GRIN2B: variants seen among roughly 807,000 people sequenced by gnomAD.
GRIN2B encodes glutamate receptor ionotropic, NMDA 2B.
A neutral mutation model predicts 114.5 loss-of-function variants in GRIN2B; 5 were observed. The ratio of observed to expected loss-of-function variants is 0.04; its 90% CI spans 0.02 to 0.09. The LOEUF (loss-of-function observed/expected upper bound fraction) is 0.09, where lower values mean the gene tolerates loss of function less well. Ranked by LOEUF, GRIN2B falls within the 10% of genes least tolerant of loss-of-function variation. The probability of loss-of-function intolerance (pLI) is 1.00; values close to 1 mark genes in which losing one functional copy is unlikely to be tolerated. For missense variants in GRIN2B, 1,108 were observed against 1,943.5 expected, an observed-to-expected ratio of 0.57 and a Z score of 8.08; for synonymous variants, 787 against 745.1, an observed-to-expected ratio of 1.06 and a Z score of -0.92.
At chr12:13,709,254 T>C (rs1247462461) in intron 4 of GRIN2B, among the ~76,000 whole-genome samples, 1 of 151,936 alleles carries the variant, frequency 6.6e-6, no homozygotes, top group Non-Finnish European at 1.5e-5. Context: ...ATATTTAAAA[T>C]ATCCAAAATA....
chr12:13,594,530 G>C (rs1197419956), intron 10 of GRIN2B, among the ~76,000 whole-genome samples: 1 of 151,934 alleles, frequency 6.6e-6, no homozygotes, highest in Admixed American at 6.6e-5. Flanking sequence ...GTAAGGGGGT[G>C]GGGGGCTAGG....
intron 2 of GRIN2B, among the ~76,000 whole-genome samples, chr12:13,878,935 G>A (rs1866030565): frequency 6.6e-6 from 1 of 152,146 alleles, no homozygotes; most frequent in South Asian, 2.1e-4. Context: ...TTTCACTCAG[G>A]GAAAATGTGG....
At chr12:13,768,922 T>C (rs1863853038) in intron 3 of GRIN2B, among the ~76,000 whole-genome samples, 1 of 152,040 alleles carries the variant, frequency 6.6e-6, no homozygotes, top group African/African-American at 2.4e-5. Context: ...TAGCCCCAGC[T>C]ACTCAGGAGA....
At chr12:13,944,981 T>C (rs529615952) in intron 2 of GRIN2B, among the ~76,000 whole-genome samples, 8 of 152,222 alleles carry the variant, frequency 5.3e-5, no homozygotes, top group African/African-American at 1.9e-4. Context: ...TTAATTTGTA[T>C]GATTCCAGTA....
At chr12:13,741,126 G>T (rs1863277275) in intron 4 of GRIN2B, among the ~76,000 whole-genome samples, 1 of 152,190 alleles carries the variant, frequency 6.6e-6, no homozygotes, top group South Asian at 2.1e-4. Context: ...CACCTCCCGG[G>T]TTCAAGCAAT....
intron 4 of GRIN2B, among the ~76,000 whole-genome samples, chr12:13,751,854 A>T (rs1863489211): frequency 6.6e-6 from 1 of 152,176 alleles, no homozygotes; most frequent in East Asian, 1.9e-4. Context: ...AACCCCAAGA[A>T]GTGCCCATAT....
At chr12:13,955,392 G>T (rs192964424) in intron 2 of GRIN2B, among the ~76,000 whole-genome samples, 3 of 152,158 alleles carry the variant, frequency 2.0e-5, no homozygotes, top group African/African-American at 7.2e-5. Flanking sequence ...CAAAGATGCT[G>T]AAAGATTAAC....
intron 10 of GRIN2B, among the ~76,000 whole-genome samples, chr12:13,584,930 C>T (rs1350164644): frequency 6.6e-6 from 1 of 152,182 alleles, no homozygotes; most frequent in African/African-American, 2.4e-5. Context: ...TGCACTCTAC[C>T]TCACAGACCA....
chr12:13,600,336 T>C (rs1328918040), intron 10 of GRIN2B, among the ~76,000 whole-genome samples: 2 of 152,206 alleles, frequency 1.3e-5, no homozygotes, highest in African/African-American at 4.8e-5. Flanking sequence ...GCCAAATTCT[T>C]TACCCAGGTA....
At chr12:13,748,105 C>G (rs75962008) in intron 4 of GRIN2B, among the ~76,000 whole-genome samples, 4 of 152,224 alleles carry the variant, frequency 2.6e-5, no homozygotes, top group East Asian at 3.9e-4. Flanking sequence ...GACGATCCAG[C>G]CTTTTAAGAT....
intron 2 of GRIN2B, among the ~76,000 whole-genome samples, chr12:13,934,449 T>A (rs1431865288): frequency 6.6e-6 from 1 of 152,220 alleles, no homozygotes; most frequent in Non-Finnish European, 1.5e-5. Context: ...CACTTTAGAA[T>A]TAATGAAACC....
At chr12:13,891,967 G>A (rs946433772) in intron 2 of GRIN2B, among the ~76,000 whole-genome samples, 15 of 152,266 alleles carry the variant, frequency 9.9e-5, no homozygotes, top group Non-Finnish European at 1.6e-4. Context: ...TAATAAAAAT[G>A]ATGGCAATAA....
chr12:13,576,597 A>G (rs1452982836), intron 10 of GRIN2B, among the ~76,000 whole-genome samples: 1 of 149,996 alleles, frequency 6.7e-6, no homozygotes, highest in Non-Finnish European at 1.5e-5. Flanking sequence ...CCCAGGCTGG[A>G]GTGCAGTGTT....
At position 13,567,695 on chromosome 12, in the gene GRIN2B, A is replaced by G. The variant is rs150814221; in HGVS notation, c.2360-432T>C. 2.5e-3 allele frequency among the ~76,000 whole-genome samples: 384 copies of G among 152,218 alleles called. 2 individuals are homozygous for G. Among genetic ancestry groups the G allele is most frequent in the African/African-American group, 9.0e-3 (372 of 41,544 alleles). The stretch of plus-strand genomic sequence containing the variant: ...TGGAAGTGGGCATGCTGGATGGATG[A>G]ATTTTAATTTACATTGTACAAAAAG... On this transcript the variant is annotated intron_variant, in intron 12 of 13. Transcript: ENST00000609686.
At chr12:13,927,963 T>C (rs1415757093) in intron 2 of GRIN2B, among the ~76,000 whole-genome samples, 1 of 844 alleles carries the variant, frequency 1.2e-3, no homozygotes, top group Non-Finnish European at 8.5e-3. Context: ...CAAGACCCTG[T>C]CTCAAAAAAA....
At chr12:13,953,712 C>A (rs1475793998) in intron 2 of GRIN2B, among the ~76,000 whole-genome samples, 1 of 152,168 alleles carries the variant, frequency 6.6e-6, no homozygotes, top group Non-Finnish European at 1.5e-5. Flanking sequence ...CAGGCAGCCA[C>A]CACTTGTTCC....
At chr12:13,584,577 A>C (rs1024615401) in intron 10 of GRIN2B, among the ~76,000 whole-genome samples, 4 of 152,234 alleles carry the variant, frequency 2.6e-5, no homozygotes, top group African/African-American at 9.6e-5. Context: ...CAAGCCTAGC[A>C]TCTCTGGTGA....
chr12:13,744,412 T>C (rs1427947608), intron 4 of GRIN2B, among the ~76,000 whole-genome samples: 2 of 152,152 alleles, frequency 1.3e-5, no homozygotes, highest in Non-Finnish European at 2.9e-5. Flanking sequence ...CATGCACACA[T>C]GAATATGAGT....
chr12:13,647,582 T>C (rs1051768380), intron 5 of GRIN2B, among the ~76,000 whole-genome samples: 2 of 152,192 alleles, frequency 1.3e-5, no homozygotes, highest in Non-Finnish European at 2.9e-5. Flanking sequence ...CCTCTCCCCA[T>C]GCCCTCCTCC....
Sources: gnomAD v4.1 joint callset for allele counts (sites outside exome capture counted in the v4.1 genomes callset) on GRCh38, gnomAD v4.1.1 for gene constraint, MANE v1.5 for transcripts, NCBI Gene and HGNC (gene_info 2026-07-23, HGNC 2026-07-21) for gene names.